SPINT1: variants seen among roughly 807,000 people sequenced by gnomAD.
SPINT1 encodes the protein serine peptidase inhibitor, Kunitz type 1.
In SPINT1, 38 loss-of-function variants were observed where a neutral mutation model predicts 53.7. That is an observed-to-expected ratio of 0.71 (90% CI 0.55 to 0.93). SPINT1 has a LOEUF of 0.93. Among genes scored for constraint, SPINT1 ranks in the 40% least tolerant of loss-of-function variants. SPINT1 has a pLI of 0.00. For synonymous variants in SPINT1, 283 were observed against 280.6 expected (o/e 1.01, Z -0.08); for missense variants, 645 against 692.9 (o/e 0.93, Z 0.78).
chr15:40,854,428 C>T lies in SPINT1; in HGVS notation c.972C>T (p.Phe324=). The change falls in exon 7 of 11, where the codon TTC becomes TTT. Residue 324 remains phenylalanine (F), a synonymous_variant. Coordinates refer to ENST00000562057, the MANE Select transcript of SPINT1 (RefSeq NM_003710.4). ...VCSGTCQPTQ[F]RCSNGCCIDS... ...CTGGCACCTGTCAGCCCACCCAGTT[C>T]CGCTGCAGCAATGGCTGCTGCATCG... 1 of 1,610,584 alleles carries T rather than the reference C, an allele frequency of 6.2e-7. No individual in the cohort carries two copies. The highest frequency in any genetic ancestry group is 8.5e-7 in the Non-Finnish European group (1 of 1,178,166).
chr15:40,852,357 T>A (rs1891483070), intron 2 of SPINT1, among the ~76,000 whole-genome samples: 1 of 152,198 alleles, frequency 6.6e-6, no homozygotes, highest in South Asian at 2.1e-4. Context: ...AAGACCCTTT[T>A]CCCAAATCAG....
intron 2 of SPINT1, among the ~76,000 whole-genome samples, chr15:40,847,143 G>A (rs1363937470): frequency 6.6e-6 from 1 of 152,206 alleles, no homozygotes; most frequent in East Asian, 1.9e-4. Context: ...AGGGTGGAGT[G>A]GGGATTTCCT....
At chr15:40,848,067 G>C (rs1004301896) in intron 2 of SPINT1, among the ~76,000 whole-genome samples, 1 of 152,144 alleles carries the variant, frequency 6.6e-6, no homozygotes, top group Admixed American at 6.5e-5. Context: ...CTGGAACCCA[G>C]TTCTCTTTTT....
rs1394041787 is a variant in SPINT1 at position 40,854,664 on chromosome 15, G to A, written c.1092G>A (p.Gln364=). The change falls in exon 8 of 11, where the codon CAG becomes CAA. Residue 364 remains glutamine, a synonymous_variant. Coordinates refer to ENST00000562057, the MANE Select transcript of SPINT1 (RefSeq NM_003710.4). The part of the protein sequence containing the change: ...EKYTSGFDEL[Q]RIHFPSDKGH... ...ACACGAGTGGCTTTGACGAGCTCCA[G>A]CGCATCCATTTCCCCAGTGACAAAG... The A allele has an allele frequency of 1.2e-6, 2 of 1,614,182 alleles. No individual in the cohort carries two copies. Among genetic ancestry groups the A allele is most frequent in the East Asian group, 2.2e-5 (1 of 44,884 alleles).
At chr15:40,851,704 A>G (rs1178108894) in intron 2 of SPINT1, among the ~76,000 whole-genome samples, 1 of 152,132 alleles carries the variant, frequency 6.6e-6, no homozygotes, top group Non-Finnish European at 1.5e-5. Context: ...CTGCTGTAAC[A>G]GATGGCTATG....
intron 8 of SPINT1, 135 bp downstream of exon 8, chr15:40,854,824 G>A (rs1891586524): frequency 1.1e-5 from 12 of 1,104,774 alleles, no homozygotes; most frequent in Admixed American, 2.0e-5. Flanking sequence ...TGGGCTCCCC[G>A]TTCTCCAGAT....
At chr15:40,849,042 T>A (rs372049289) in intron 2 of SPINT1, among the ~76,000 whole-genome samples, 105 of 151,546 alleles carry the variant, frequency 6.9e-4, no homozygotes, top group East Asian at 2.1e-3. Context: ...GTCGGGAGAT[T>A]GAGACCATCC....
At position 40,853,150 on chromosome 15, in the gene SPINT1, G is replaced by A. The variant is rs769976576; in HGVS notation, c.502G>A (p.Gly168Ser). 8.1e-6 allele frequency: 13 copies of A among 1,614,030 alleles called. No individual in the cohort carries two copies. The highest frequency in any genetic ancestry group is 1.0e-5 in the Non-Finnish European group (12 of 1,180,014). ...GTCTGGGATCCCCAAGGCCTGGGCA[G>A]GCATAGACTTGAAGGTACAACCCCA... ...GGSGIPKAWAGIDLKVQPQEP... is the reference protein window; with the variant it reads ...GGSGIPKAWASIDLKVQPQEP... The change falls in exon 3 of 11, where the codon GGC becomes AGC. Residue 168 changes from glycine (G) to serine (S), a missense_variant. By Grantham distance (56) the Gly-to-Ser change is moderately conservative (BLOSUM62 0). Transcript: ENST00000562057.
At position 40,844,980 on chromosome 15, in the gene SPINT1, G is replaced by A. The variant is rs1420311906; in HGVS notation, c.426G>A (p.Thr142=). ...GGGAGGGCTTCATCAACTACCTCAC[G>A]AGGGAAGTGTACCGCTCCTACCGCC... ...APREGFINYL[T]REVYRSYRQL... Residue 142 remains threonine, a synonymous_variant, in exon 2 of 11, where the codon ACG becomes ACA. Transcript: ENST00000562057. The surrounding 1 kb of genome is among the most constrained non-coding windows in gnomAD (Gnocchi z 5.8). 6.2e-7 allele frequency: 1 copy of A among 1,613,714 alleles called. No homozygotes were observed. The highest frequency in any genetic ancestry group is 8.5e-7 in the Non-Finnish European group (1 of 1,179,964).
intron 5 of SPINT1, 72 bp downstream of exon 5, chr15:40,853,953 G>T (rs769609266): frequency 1.9e-6 from 3 of 1,612,428 alleles, no homozygotes; most frequent in Non-Finnish European, 2.5e-6. Context: ...CTCTTCTGTG[G>T]CCAGGGAGGT....
At position 40,844,189 on chromosome 15, in the gene SPINT1, A is replaced by C; in HGVS notation, c.-66+3A>C. On this transcript the variant is annotated splice_donor_region_variant and intron_variant, in intron 1 of 10. Coordinates refer to ENST00000562057, the MANE Select transcript of SPINT1 (RefSeq NM_003710.4). The surrounding 1 kb of genome is among the most constrained non-coding windows in gnomAD (Gnocchi z 5.8). The stretch of plus-strand genomic sequence containing the variant: ...CCCCACCCAACTCACCTGCGCAGGT[A>C]ACCCGGGCCCCCGCGCGCAAGGCCG... 1 of 398,424 alleles carries C rather than the reference A, an allele frequency of 2.5e-6. No individual in the cohort carries two copies. The allele number at this position is 398,424 out of a possible 1,614,324, so 24.7% of individuals were successfully genotyped here. A position where few individuals can be genotyped will look rare whatever the true frequency, so the allele number is the denominator to read the frequency against.
At chr15:40,851,343 G>A (rs1006304421) in intron 2 of SPINT1, among the ~76,000 whole-genome samples, 1 of 151,860 alleles carries the variant, frequency 6.6e-6, no homozygotes, top group South Asian at 2.1e-4. Context: ...TAGTAGAGAG[G>A]GGGTTTCACT....
At chr15:40,851,301 G>A (rs1253493039) in intron 2 of SPINT1, among the ~76,000 whole-genome samples, 2 of 152,044 alleles carry the variant, frequency 1.3e-5, no homozygotes, top group African/African-American at 2.4e-5. Flanking sequence ...TTACAGACAT[G>A]TGCCACCATG....
intron 2 of SPINT1, among the ~76,000 whole-genome samples, chr15:40,852,913 A>C (rs1003748839): frequency 6.6e-6 from 1 of 152,072 alleles, no homozygotes; most frequent in African/African-American, 2.4e-5. Flanking sequence ...TTACAACATA[A>C]AAATATCTTC....
rs1195290845 is a variant in SPINT1 at position 40,853,703 on chromosome 15, C to T, written c.743-8C>T. 3 of 1,614,074 alleles carry T rather than the reference C, an allele frequency of 1.9e-6. No homozygotes were observed. The highest frequency in any genetic ancestry group is 2.7e-5 in the African/African-American group (2 of 75,056). ...CCGCACGGTCCCCTCATAAGCTCTC[C>T]CCCCTAGACTACTGCCTCGCATCCA... On this transcript the variant is annotated splice_region_variant and splice_polypyrimidine_tract_variant and intron_variant, in intron 4 of 10. Coordinates refer to ENST00000562057, the MANE Select transcript of SPINT1 (RefSeq NM_003710.4).
chr15:40,844,502 C>A lies in SPINT1; in HGVS notation c.-53C>A, dbSNP rs1462727631. ...CCCTTCTTCTCAGGTCACCAGCACC[C>A]TCGGAACCCAGAGGCCCGCGCTCTG... On this transcript the variant is annotated 5_prime_UTR_variant, in exon 2 of 11. Coordinates refer to ENST00000562057, the MANE Select transcript of SPINT1 (RefSeq NM_003710.4). The surrounding 1 kb of genome is among the most constrained non-coding windows in gnomAD (Gnocchi z 5.8). 4 of 1,566,128 alleles carry A rather than the reference C, an allele frequency of 2.6e-6. No individual in the cohort carries two copies. Among genetic ancestry groups the A allele is most frequent in the South Asian group, 1.1e-5 (1 of 90,090 alleles).
chr15:40,853,050 C>G, intron 2 of SPINT1, 74 bp from the exon 3 acceptor site: 1 of 1,552,964 alleles, frequency 6.4e-7, no homozygotes, highest in Non-Finnish European at 8.7e-7. Context: ...ACTTTCACCA[C>G]CCCACTTTGC....
At chr15:40,853,329 A>C in intron 3 of SPINT1, 78 bp downstream of exon 3, 1 of 1,607,188 alleles carries the variant, frequency 6.2e-7, no homozygotes, top group Non-Finnish European at 8.5e-7. Context: ...CCCTAGGCCA[A>C]CCAATGGCCC....
chr15:40,848,939 T>C (rs74603924), intron 2 of SPINT1, among the ~76,000 whole-genome samples: 1,307 of 126,428 alleles, frequency 0.01, 15 homozygotes, highest in African/African-American at 0.035. Context: ...GGTTTTTCTG[T>C]TTTTTTTTTT....
Sources: gnomAD v4.1 joint callset for allele counts (sites outside exome capture counted in the v4.1 genomes callset) on GRCh38, gnomAD v4.1.1 for gene constraint, Gnocchi (gnomAD v3.1) non-coding constraint, MANE v1.5 for transcripts, NCBI Gene and HGNC (gene_info 2026-07-23, HGNC 2026-07-21) for gene names.